LPCAT2: variants seen among roughly 807,000 people sequenced by gnomAD.
The protein encoded by LPCAT2 is 1-AGP acyltransferase 11.
A neutral mutation model predicts 64.7 loss-of-function variants in LPCAT2; 58 were observed. The ratio of observed to expected loss-of-function variants is 0.90; its 90% CI spans 0.73 to 1.12. The LOEUF (loss-of-function observed/expected upper bound fraction) is 1.12, where lower values mean the gene tolerates loss of function less well. LPCAT2 is among the 50% of genes most tolerant of loss of function. The pLI is 0.00. For synonymous variants in LPCAT2, 252 were observed against 245.3 expected (o/e 1.03, Z -0.26); for missense variants, 579 against 669.8 (o/e 0.86, Z 1.50).
At chr16:55,524,931 C>T (rs1430299136) in intron 1 of LPCAT2, among the ~76,000 whole-genome samples, 1 of 152,052 alleles carries the variant, frequency 6.6e-6, no homozygotes, top group Non-Finnish European at 1.5e-5. Context: ...TGGTGTATTA[C>T]ATAGTAAGCA....
chr16:55,540,023 C>T (rs1196942338), intron 8 of LPCAT2: 2 of 152,020 alleles, frequency 1.3e-5, no homozygotes, highest in African/African-American at 4.8e-5. Flanking sequence ...GCTGCCATAT[C>T]CTTTAGTTTC....
chr16:55,554,959 A>G (rs1306696908), intron 11 of LPCAT2, among the ~76,000 whole-genome samples: 1 of 152,220 alleles, frequency 6.6e-6, no homozygotes, highest in Non-Finnish European at 1.5e-5. Flanking sequence ...TAAGTTTGCC[A>G]TCTTACATGG....
intron 1 of LPCAT2, among the ~76,000 whole-genome samples, chr16:55,525,236 C>G (rs771527190): frequency 6.6e-6 from 1 of 152,050 alleles, no homozygotes; most frequent in Non-Finnish European, 1.5e-5. Context: ...CTTTGTTCCC[C>G]CAGCATTCTC....
In LPCAT2 at chr16:55,532,858, C is replaced by T; in HGVS notation, c.738C>T (p.Val246=). The change falls in exon 6 of 14, where the codon GTC becomes GTT. Residue 246 remains valine, a synonymous_variant. Transcript: ENST00000262134. ...AFIPGVPVQP[V]LLRYPNKLDT... ...TTCCAGGAGTTCCAGTGCAGCCAGT[C>T]CTCCTCAGATACCCAAACAAGCTGG... 6.2e-7 allele frequency: 1 copy of T among 1,612,148 alleles called. No individual in the cohort carries two copies. The highest frequency in any genetic ancestry group is 1.3e-5 in the African/African-American group (1 of 74,926).
At chr16:55,531,022 T>C (rs1231706276) in intron 4 of LPCAT2, among the ~76,000 whole-genome samples, 1 of 152,166 alleles carries the variant, frequency 6.6e-6, no homozygotes, top group Non-Finnish European at 1.5e-5. Flanking sequence ...GTTAGTAGTT[T>C]AGTTGTTGAA....
chr16:55,552,992 T>C (rs1460332132), intron 11 of LPCAT2, among the ~76,000 whole-genome samples: 1 of 152,198 alleles, frequency 6.6e-6, no homozygotes, highest in African/African-American at 2.4e-5. Flanking sequence ...TCCCAGCAGT[T>C]TGGGAGGCCA....
chr16:55,547,537 T>C (rs1963467522), intron 9 of LPCAT2, among the ~76,000 whole-genome samples: 1 of 152,222 alleles, frequency 6.6e-6, no homozygotes, highest in Admixed American at 6.5e-5. Context: ...GAAAGCTGAC[T>C]TGGGGAGGTG....
intron 9 of LPCAT2, among the ~76,000 whole-genome samples, chr16:55,548,011 G>T (rs1173565284): frequency 6.6e-6 from 1 of 152,072 alleles, no homozygotes; most frequent in Non-Finnish European, 1.5e-5. Context: ...CGGGTGATCC[G>T]CCTGCCTTGT....
chr16:55,510,446 G>A (rs1449881994), intron 1 of LPCAT2, among the ~76,000 whole-genome samples: 1 of 151,042 alleles, frequency 6.6e-6, no homozygotes, highest in Non-Finnish European at 1.5e-5. Context: ...TGTGTTCTGC[G>A]GGGGTTGGGG....
intron 1 of LPCAT2, among the ~76,000 whole-genome samples, chr16:55,511,423 A>T (rs1962930617): frequency 6.6e-6 from 1 of 152,246 alleles, no homozygotes; most frequent in Non-Finnish European, 1.5e-5. Context: ...ACACACTTTC[A>T]TTTAAGTATG....
intron 11 of LPCAT2, among the ~76,000 whole-genome samples, chr16:55,555,475 G>A (rs1291511925): frequency 6.6e-6 from 1 of 152,194 alleles, no homozygotes; most frequent in African/African-American, 2.4e-5. Flanking sequence ...ATCCATCTTG[G>A]TGTGTAGCAA....
intron 8 of LPCAT2, among the ~76,000 whole-genome samples, chr16:55,538,043 T>G (rs1963346009): frequency 6.6e-6 from 1 of 152,198 alleles, no homozygotes; most frequent in African/African-American, 2.4e-5. Context: ...GTCAGAAGCC[T>G]TCACTGTGAA....
At chr16:55,567,361 G>C in intron 11 of LPCAT2, 1 of 1,613,728 alleles carries the variant, frequency 6.2e-7, no homozygotes, top group Non-Finnish European at 8.5e-7. Flanking sequence ...AATGAAGATG[G>C]AGATATGGAT....
At chr16:55,516,564 T>G (rs1417150048) in intron 1 of LPCAT2, among the ~76,000 whole-genome samples, 1 of 152,234 alleles carries the variant, frequency 6.6e-6, no homozygotes, top group Non-Finnish European at 1.5e-5. Context: ...GAAAGACATT[T>G]ATAATGATAA....
At chr16:55,579,301 G>A (rs1465517061) in intron 13 of LPCAT2, 57 bp downstream of exon 13, 5 of 1,540,722 alleles carry the variant, frequency 3.2e-6, no homozygotes, top group Admixed American at 1.9e-5. Flanking sequence ...CCAGACTATG[G>A]ACTGATGCTC....
At chr16:55,531,567 A>G (rs1396307120) in intron 4 of LPCAT2, among the ~76,000 whole-genome samples, 2 of 152,210 alleles carry the variant, frequency 1.3e-5, no homozygotes, top group Non-Finnish European at 2.9e-5. Flanking sequence ...GGTTAAGGAT[A>G]TATAGCAGAA....
At chr16:55,558,467 T>C (rs1380151831) in intron 11 of LPCAT2, among the ~76,000 whole-genome samples, 1 of 152,242 alleles carries the variant, frequency 6.6e-6, no homozygotes, top group Non-Finnish European at 1.5e-5. Context: ...TAATTTTTTT[T>C]GCAAACTTGC....
chr16:55,517,431 C>A (rs1963028570), intron 1 of LPCAT2, among the ~76,000 whole-genome samples: 1 of 151,918 alleles, frequency 6.6e-6, no homozygotes, highest in Admixed American at 6.6e-5. Flanking sequence ...GAATTAATGC[C>A]AATCCTTCAC....
chr16:55,525,754 TTAGA>T (rs1963162350), intron 2 of LPCAT2, 107 bp downstream of exon 2: 3 of 756,202 alleles, frequency 4.0e-6, no homozygotes, highest in Non-Finnish European at 5.6e-6. Context: ...CTAACTGCTG[TTAGA>T]TAAAACTATT....
Sources: allele counts gnomAD v4.1 joint callset (sites outside exome capture counted in the v4.1 genomes callset), GRCh38; gene constraint gnomAD v4.1.1; transcripts MANE v1.5; gene names NCBI Gene and HGNC (gene_info 2026-07-23, HGNC 2026-07-21).